PSPC1: variants seen among roughly 807,000 people sequenced by gnomAD.
PSPC1 encodes the protein paraspeckle component 1.
A neutral mutation model predicts 51.6 loss-of-function variants in PSPC1; 14 were observed. That is an observed-to-expected ratio of 0.27 (90% confidence interval 0.18 to 0.42). The LOEUF (loss-of-function observed/expected upper bound fraction) is 0.42, where lower values mean the gene tolerates loss of function less well. Ranked by LOEUF, PSPC1 falls within the 10% of genes least tolerant of loss-of-function variation. The pLI is 1.00. For missense variants in PSPC1, 406 were observed against 701.1 expected (o/e 0.58, Z 4.75); for synonymous variants, 193 against 231.9 (o/e 0.83, Z 1.53).
chr13:19,707,562 T>C (rs1338177946), intron 7 of PSPC1, among the ~76,000 whole-genome samples: 1 of 152,182 alleles, frequency 6.6e-6, no homozygotes, highest in Non-Finnish European at 1.5e-5. Context: ...AAGTCTCACA[T>C]TGAATGAAGA....
At chr13:19,716,537 C>CCT (rs1026635210) in intron 6 of PSPC1, among the ~76,000 whole-genome samples, 10 of 152,108 alleles carry the variant, frequency 6.6e-5, no homozygotes, top group Admixed American at 3.3e-4. Context: ...TTGATAAAGA[C>CCT]CTCTCATGTT....
chr13:19,782,478 T>C lies in PSPC1; in HGVS notation c.280A>G (p.Thr94Ala). ...LFVGNLPTDITEEDFKRLFER... is the reference protein window; with the variant it reads ...LFVGNLPTDIAEEDFKRLFER... ...AAGAGCCTCTTGAAGTCCTCCTCCG[T>C]GATGTCGGTGGGCAGATTTCCCACG... is the stretch of plus-strand genomic sequence containing the variant. The change falls in exon 1 of 9, where the codon ACG becomes GCG. Residue 94 changes from threonine (T) to alanine (A), a missense_variant. Physicochemically the swap from Thr to Ala is moderately conservative, Grantham distance 58. Coordinates refer to ENST00000338910, the MANE Select transcript of PSPC1 (RefSeq NM_001354909.2). This position sits in a 1 kb window ranked among gnomAD's most constrained non-coding sequence, Gnocchi z 4.5. 1 of 1,612,754 alleles carries C rather than the reference T, an allele frequency of 6.2e-7. No individual in the cohort carries two copies. Among genetic ancestry groups the C allele is most frequent in the Non-Finnish European group, 8.5e-7 (1 of 1,179,428 alleles).
rs1322451471 is a variant in PSPC1 at position 19,760,998 on chromosome 13, A to C, written c.675-1580T>G. On this transcript the variant is annotated intron_variant, in intron 2 of 8. Coordinates refer to ENST00000338910, the MANE Select transcript of PSPC1 (RefSeq NM_001354909.2). The stretch of plus-strand genomic sequence containing the variant: ...GTGAAACTCCGTCTCAAATTAAAAA[A>C]AAAAAAAATTTAAAATTAGCCAGGT... 5.3e-5 allele frequency among the ~76,000 whole-genome samples: 8 copies of C among 151,964 alleles called. No individual in the cohort carries two copies. The East Asian group carries it at 1.5e-3, about 29-fold the overall frequency.
chr13:19,748,535 T>C (rs1886221419), intron 4 of PSPC1, among the ~76,000 whole-genome samples: 1 of 152,198 alleles, frequency 6.6e-6, no homozygotes. Flanking sequence ...CAGGCAAAGT[T>C]TTCTAAGAGC....
intron 7 of PSPC1, among the ~76,000 whole-genome samples, chr13:19,706,995 C>G (rs1880761565): frequency 6.6e-6 from 1 of 152,166 alleles, no homozygotes; most frequent in South Asian, 2.1e-4. Context: ...TCCGCTCCCT[C>G]AGTATAGCCC....
In PSPC1 at chr13:19,716,014, AAAAAAAT is replaced by A. The variant is rs374365531; in HGVS notation, c.1159-6422_1159-6416del. ...GGGCGATACAGCAAGACTCCGTCTCAAAAAAATAAAAAATAAAAAATAAAAAAATTAA... is the reference window on the plus strand; with the variant it reads ...GGGCGATACAGCAAGACTCCGTCTCAAAAAAATAAAAAATAAAAAAATTAA... On this transcript the variant is annotated intron_variant, in intron 6 of 8. Coordinates refer to ENST00000338910, the MANE Select transcript of PSPC1 (RefSeq NM_001354909.2). 2.9e-3 allele frequency among the ~76,000 whole-genome samples: 439 copies of A among 152,252 alleles called. 1 individual carries two copies. The highest frequency in any genetic ancestry group is 9.9e-3 in the African/African-American group (413 of 41,518).
rs67371116 is a variant in PSPC1, at chr13:19,754,453, C to CT, written c.771-2987dup. 3.8e-3 allele frequency among the ~76,000 whole-genome samples: 464 copies of CT among 122,538 alleles called. 3 individuals carry two copies. Among genetic ancestry groups the CT allele is most frequent in the African/African-American group, 0.011 (391 of 34,976 alleles). The allele number at this position is 122,538 out of a possible 152,430, so 80.4% of individuals were successfully genotyped here. A position where few individuals can be genotyped will look rare whatever the true frequency, so the allele number is the denominator to read the frequency against. ...ATAAAAGTGGGAATATAACTAACTC[C>CT]TTTTTTTTTTTTTTTTTGAGACAGT... On this transcript the variant is annotated intron_variant, in intron 3 of 8. Coordinates refer to ENST00000338910, the MANE Select transcript of PSPC1 (RefSeq NM_001354909.2).
intron 5 of PSPC1, among the ~76,000 whole-genome samples, chr13:19,730,795 T>G (rs112708275): frequency 3.9e-4 from 59 of 151,528 alleles, no homozygotes; most frequent in African/African-American, 1.4e-3. Flanking sequence ...CTATCTCTAC[T>G]AAAAATACAA....
At chr13:19,698,687 A>C (rs865983165), downstream of PSPC1, among the ~76,000 whole-genome samples, 1 of 152,044 alleles carries the variant, frequency 6.6e-6, no homozygotes, top group South Asian at 2.1e-4. Flanking sequence ...TTAAATGAGA[A>C]AGGCACATTT....
At chr13:19,735,008 AAC>A (rs1884608104) in intron 5 of PSPC1, among the ~76,000 whole-genome samples, 1 of 151,200 alleles carries the variant, frequency 6.6e-6, no homozygotes, top group Non-Finnish European at 1.5e-5. Flanking sequence ...AAACAAAAAA[AAC>A]AAAGAAAGGA....
chr13:19,742,536 C>T (rs1477899639), intron 4 of PSPC1, among the ~76,000 whole-genome samples: 12 of 152,126 alleles, frequency 7.9e-5, no homozygotes, highest in Admixed American at 3.3e-4. Context: ...GTTGGGAGTT[C>T]GAGACCAGCA....
At chr13:19,721,389 C>CA (rs1405852541) in intron 6 of PSPC1, among the ~76,000 whole-genome samples, 8 of 152,114 alleles carry the variant, frequency 5.3e-5, no homozygotes, top group Admixed American at 2.0e-4. Flanking sequence ...TCCGATTGCT[C>CA]AAAAAAGAGT....
chr13:19,693,977 G>A (rs939269127), intron 6 of PSPC1, among the ~76,000 whole-genome samples: 2 of 151,818 alleles, frequency 1.3e-5, no homozygotes, highest in African/African-American at 2.4e-5. Flanking sequence ...CAAAAAATTA[G>A]CCGGGTGTGG....
chr13:19,764,774 C>A lies in PSPC1; in HGVS notation c.675-5356G>T, dbSNP rs1487325465. Among the ~76,000 whole-genome samples the A allele has an allele frequency of 3.3e-5, 5 of 151,170 alleles. No homozygotes were observed. The South Asian group carries it at 1.0e-3, about 32-fold the overall frequency. On this transcript the variant is annotated intron_variant, in intron 2 of 8. Coordinates refer to ENST00000338910, the MANE Select transcript of PSPC1 (RefSeq NM_001354909.2). ...TTTGAGACAGGGTCTTGTTCTATTGCCCAGGCTGCCATGCAGTGGCATGAT... is the reference window on the plus strand; with the variant it reads ...TTTGAGACAGGGTCTTGTTCTATTGACCAGGCTGCCATGCAGTGGCATGAT...
chr13:19,754,731 C>T (rs188964351), intron 3 of PSPC1, among the ~76,000 whole-genome samples: 1,646 of 152,092 alleles, frequency 0.011, 28 homozygotes, highest in African/African-American at 0.038. Flanking sequence ...TGAGCCACCA[C>T]GCCCAGCCAT....
At chr13:19,717,149 A>C (rs1399980256) in intron 6 of PSPC1, among the ~76,000 whole-genome samples, 2 of 152,246 alleles carry the variant, frequency 1.3e-5, no homozygotes, top group African/African-American at 2.4e-5. Flanking sequence ...CACTTACATG[A>C]AATATTCATG....
At position 19,695,849 on chromosome 13, in the gene PSPC1, A is replaced by G. The variant is rs1025266247; in HGVS notation, c.1159-18026T>C. Among the ~76,000 whole-genome samples, 10 of 152,304 alleles carry G rather than the reference A, an allele frequency of 6.6e-5. No homozygotes were observed. In the East Asian group the frequency reaches 1.7e-3, roughly 26 times the overall value. ...CTTGACTGAAGACAATTAGTAATAC[A>G]TAACAGGAAAAACTGTGAAAAAGTC... On this transcript the variant is annotated intron_variant and NMD_transcript_variant, in intron 6 of 7. Transcript: ENST00000471658.
At chr13:19,715,262 A>T (rs780700196) in intron 6 of PSPC1, among the ~76,000 whole-genome samples, 17 of 152,334 alleles carry the variant, frequency 1.1e-4, no homozygotes, top group Admixed American at 2.0e-4. Flanking sequence ...CAATATTTTT[A>T]AAATCGCAGT....
chr13:19,674,639 T>C (rs976342603), downstream of PSPC1: 2 of 152,270 alleles, frequency 1.3e-5, no homozygotes, highest in Admixed American at 6.5e-5. Context: ...AAAGGCTGGA[T>C]TGGATGCCCA....
Sources: allele counts gnomAD v4.1 joint callset (sites outside exome capture counted in the v4.1 genomes callset), GRCh38; gene constraint gnomAD v4.1.1; non-coding constraint Gnocchi (gnomAD v3.1); transcripts MANE v1.5; gene names NCBI Gene and HGNC (gene_info 2026-07-23, HGNC 2026-07-21).